The following COL28A1 variants were observed in gnomAD, a reference collection of about 807,000 sequenced individuals.
COL28A1 encodes collagen alpha-1(XXVIII) chain.
A neutral mutation model predicts 150.2 loss-of-function variants in COL28A1; 161 were observed. The ratio of observed to expected loss-of-function variants is 1.07; its 90% confidence interval spans 0.94 to 1.22. COL28A1 has a LOEUF of 1.22. COL28A1 is among the 50% of genes most tolerant of loss of function. The probability of loss-of-function intolerance (pLI) is 0.00; values close to 1 mark genes in which losing one functional copy is unlikely to be tolerated. For missense variants in COL28A1, 1,617 were observed against 1,388.3 expected, an observed-to-expected ratio of 1.16 and a Z score of -2.62; for synonymous variants, 552 against 469.7, an observed-to-expected ratio of 1.18 and a Z score of -2.26.
Position 7,373,633 on chromosome 7 carries a change from C to A in COL28A1, c.2360-87G>T. The A allele has an allele frequency of 2.0e-6, 2 of 997,468 alleles. No homozygotes were observed. The highest frequency in any genetic ancestry group is 3.0e-6 in the Non-Finnish European group (2 of 663,470). 61.8% of individuals were successfully genotyped at this position (997,468 alleles called of 1,614,324 possible). ...GAGGGGAGAAAAAGTCAATGATGAA[C>A]CTGAGACCTAAACTATTCTCTTCCT... On this transcript the variant is annotated intron_variant, in intron 31 of 34. Transcript: ENST00000399429. This position sits in a 1 kb window ranked among gnomAD's most constrained non-coding sequence, Gnocchi z 4.1.
At chr7:7,374,999 T>C (rs73040616) in intron 31 of COL28A1, among the ~76,000 whole-genome samples, 21,069 of 152,180 alleles carry the variant, frequency 0.14, 3,389 homozygotes, top group African/African-American at 0.39. Context: ...CCTGACTCTG[T>C]CCTCCCACCT....
At chr7:7,400,455 G>C (rs958682558) in intron 27 of COL28A1, among the ~76,000 whole-genome samples, 1 of 152,172 alleles carries the variant, frequency 6.6e-6, no homozygotes, top group Admixed American at 6.5e-5. Flanking sequence ...GTCTATAGAA[G>C]CTGGAAAAAA....
intron 27 of COL28A1, among the ~76,000 whole-genome samples, chr7:7,410,088 T>C (rs1013467569): frequency 6.6e-6 from 1 of 152,156 alleles, no homozygotes; most frequent in Non-Finnish European, 1.5e-5. Flanking sequence ...AGCAACTTGG[T>C]CCAGGAGGAA....
chr7:7,360,961 C>T (rs188591372), intron 33 of COL28A1, among the ~76,000 whole-genome samples: 2 of 152,280 alleles, frequency 1.3e-5, no homozygotes, highest in Non-Finnish European at 2.9e-5. Flanking sequence ...CACTAGACGT[C>T]TTAACAATAT....
At chr7:7,376,703 G>A (rs1781564077) in intron 30 of COL28A1, among the ~76,000 whole-genome samples, 1 of 123,992 alleles carries the variant, frequency 8.1e-6, no homozygotes, top group Non-Finnish European at 1.6e-5. Context: ...ATATATTTAT[G>A]TTTAATTTTT....
At chr7:7,355,404 G>A (rs1162938170), downstream of COL28A1, among the ~76,000 whole-genome samples, 1 of 152,060 alleles carries the variant, frequency 6.6e-6, no homozygotes, top group East Asian at 1.9e-4. Flanking sequence ...GAGGCCAGGA[G>A]TTCAAGACCA....
intron 25 of COL28A1, among the ~76,000 whole-genome samples, chr7:7,430,843 T>C (rs1192295884): frequency 3.3e-5 from 5 of 152,222 alleles, no homozygotes; most frequent in Non-Finnish European, 5.9e-5. Flanking sequence ...ATTGATACAG[T>C]TGAGGCTTAT....
chr7:7,505,942 A>G (rs1374524513), intron 11 of COL28A1, 72 bp downstream of exon 11: 1 of 834,532 alleles, frequency 1.2e-6, no homozygotes, highest in Non-Finnish European at 2.1e-6. Flanking sequence ...CTTTTACCTA[A>G]TAAAACATAC....
chr7:7,414,592 G>T lies in COL28A1; in HGVS notation c.2136+3267C>A, dbSNP rs538663974. 3.3e-5 allele frequency among the ~76,000 whole-genome samples: 5 copies of T among 152,322 alleles called. No individual in the cohort carries two copies. In the South Asian group the frequency reaches 1.0e-3, roughly 32 times the overall value. On this transcript the variant is annotated intron_variant, in intron 27 of 34. Transcript: ENST00000399429. ...AGCAGCAGCCCTGGGTGGTCCCAGA[G>T]CCCCAGGAAAGGCCGGGGAAAGAAG...
At chr7:7,463,670 A>T (rs1338838374) in intron 15 of COL28A1, among the ~76,000 whole-genome samples, 5 of 152,232 alleles carry the variant, frequency 3.3e-5, no homozygotes, top group Admixed American at 3.3e-4. Context: ...TGCCAAAAGG[A>T]GCTCTAAATC....
rs544795906 is a variant in COL28A1 at position 7,530,059 on chromosome 7, T to C, written c.681+1289A>G. ...TTGGAGGAGGGCTGCTACCAAACTG[T>C]TTCAGAGCAGTTCTGATTGAGAAAA... On this transcript the variant is annotated intron_variant, in intron 3 of 34. Transcript: ENST00000399429. Among the ~76,000 whole-genome samples the C allele has an allele frequency of 2.0e-5, 3 of 152,304 alleles. No individual in the cohort carries two copies. In the South Asian group the frequency reaches 6.2e-4, roughly 32 times the overall value.
chr7:7,503,103 C>G (rs1027200499), intron 11 of COL28A1, among the ~76,000 whole-genome samples: 5 of 152,144 alleles, frequency 3.3e-5, no homozygotes, highest in African/African-American at 1.2e-4. Flanking sequence ...AACTTCCACA[C>G]TGTCAAAAAG....
chr7:7,530,151 T>C (rs1170222350), intron 3 of COL28A1, among the ~76,000 whole-genome samples: 1 of 152,220 alleles, frequency 6.6e-6, no homozygotes, highest in East Asian at 1.9e-4. Context: ...GCATGCAAAC[T>C]GTGAGGTCTT....
intron 13 of COL28A1, 140 bp from the exon 14 acceptor site, chr7:7,477,320 C>G (rs759770778): frequency 1.3e-5 from 8 of 631,314 alleles, no homozygotes; most frequent in Non-Finnish European, 2.0e-5. Context: ...TGGATCTGTA[C>G]TAAACATGTA....
At chr7:7,457,674 T>A in intron 15 of COL28A1, among the ~76,000 whole-genome samples, 1 of 152,066 alleles carries the variant, frequency 6.6e-6, no homozygotes, top group Non-Finnish European at 1.5e-5. Flanking sequence ...CTTTAAGCAC[T>A]CCAATCATTA....
At chr7:7,502,386 G>T (rs1780583290) in intron 11 of COL28A1, among the ~76,000 whole-genome samples, 3 of 152,082 alleles carry the variant, frequency 2.0e-5, no homozygotes, top group Admixed American at 2.0e-4. Flanking sequence ...TGTGAAAATG[G>T]GCCAGGAGCA....
the COL28A1 span, among the ~76,000 whole-genome samples, chr7:7,340,867 C>T: frequency 6.6e-6 from 1 of 152,080 alleles, no homozygotes; most frequent in Non-Finnish European, 1.5e-5. Flanking sequence ...GGTAAATATA[C>T]CTTTATAATG....
intron 25 of COL28A1, chr7:7,431,323 C>A: frequency 3.2e-6 from 1 of 314,318 alleles, no homozygotes; most frequent in South Asian, 2.7e-5. Context: ...TAGGAGGGAA[C>A]AAAGCAAGAA....
the COL28A1 span, among the ~76,000 whole-genome samples, chr7:7,347,173 A>G: frequency 3.9e-5 from 6 of 152,086 alleles, no homozygotes; most frequent in African/African-American, 1.4e-4. Flanking sequence ...GTATTTGGCC[A>G]TACCAGGCAG....
Sources: gnomAD v4.1 joint callset for allele counts (sites outside exome capture counted in the v4.1 genomes callset) on GRCh38, gnomAD v4.1.1 for gene constraint, Gnocchi (gnomAD v3.1) non-coding constraint, MANE v1.5 for transcripts, NCBI Gene and HGNC (gene_info 2026-07-23, HGNC 2026-07-21) for gene names.